Variants in CELA3A observed in about 807,000 individuals in gnomAD.
The protein encoded by CELA3A is chymotrypsin like elastase 3A, also known as chymotrypsin-like elastase family member 3A.
A neutral mutation model predicts 38.6 loss-of-function variants in CELA3A; 35 were observed. The observed-to-expected ratio is 0.91, with a 90% confidence interval of 0.69 to 1.20. The LOEUF is 1.20. Among genes scored for constraint, CELA3A ranks in the 50% most tolerant of loss-of-function variants. The pLI, the probability that CELA3A is intolerant of heterozygous loss-of-function variation, is 0.00. For synonymous variants in CELA3A, 143 were observed against 136.7 expected, an observed-to-expected ratio of 1.05 and a Z score of -0.32; for missense variants, 343 against 354.2, an observed-to-expected ratio of 0.97 and a Z score of 0.25.
intron 6 of CELA3A, among the ~76,000 whole-genome samples, 172 bp downstream of exon 6, chr1:22,007,687 AGTCAGGACCCCCGG>A (rs1644959706): frequency 6.6e-6 from 1 of 150,940 alleles, no homozygotes; most frequent in African/African-American, 2.5e-5. Context: ...CAGGCCTGGG[AGTCAGGACCCCCGG>A]GTTGCAGTCT....
intron 2 of CELA3A, among the ~76,000 whole-genome samples, chr1:22,003,681 C>CA (rs755292250): frequency 0.069 from 9,865 of 143,130 alleles, 629 homozygotes; most frequent in African/African-American, 0.13. Flanking sequence ...GACTCTGTCT[C>CA]AAAAAAAAAA....
chr1:22,005,608 G>C, intron 3 of CELA3A, 54 bp from the exon 4 acceptor site: 1 of 1,611,942 alleles, frequency 6.2e-7, no homozygotes. Context: ...GTGATGATGG[G>C]GAAGGAGGGA....
chr1:22,005,713 G>A lies in CELA3A; in HGVS notation c.279G>A (p.Lys93=). 1.2e-6 allele frequency: 2 copies of A among 1,612,454 alleles called. No homozygotes were observed. The highest frequency in any genetic ancestry group is 1.1e-5 in the South Asian group (1 of 91,026). Residue 93 remains lysine, a synonymous_variant, in exon 4 of 8, where the codon AAG becomes AAA. Transcript: ENST00000290122. ...TGGGTGAGTACAACCTTGCTGTGAA[G>A]GAGGGCCCCGAGCAGGTGATCCCCA... The part of the protein sequence containing the change: ...VVLGEYNLAV[K]EGPEQVIPIN...
intron 2 of CELA3A, among the ~76,000 whole-genome samples, chr1:22,003,436 G>A (rs552951328): frequency 4.6e-5 from 7 of 151,186 alleles, no homozygotes; most frequent in Admixed American, 4.6e-4. Context: ...TTTGAGGTCT[G>A]AAAGCAATAA....
rs371183311 is a variant in CELA3A at position 22,001,725 on chromosome 1, C to T, written c.43+8C>T. The T allele has an allele frequency of 4.1e-5, 66 of 1,612,006 alleles. 2 individuals carry two copies. The highest frequency in any genetic ancestry group is 5.4e-5 in the Non-Finnish European group (64 of 1,179,316). On this transcript the variant is annotated splice_region_variant and intron_variant, in intron 1 of 7. Coordinates refer to ENST00000290122, the MANE Select transcript of CELA3A (RefSeq NM_005747.5). The stretch of plus-strand genomic sequence containing the variant: ...TCCTCCTTGTGGCCGTTGGTAAGAC[C>T]CCAACCTGTCTGTGTGCTCCCTGGG...
chr1:22,004,632 T>C (rs1442016480), intron 2 of CELA3A, among the ~76,000 whole-genome samples: 4 of 151,996 alleles, frequency 2.6e-5, no homozygotes, highest in Non-Finnish European at 5.9e-5. Context: ...ACATCTTTAT[T>C]ACAAAAACAG....
intron 2 of CELA3A, among the ~76,000 whole-genome samples, chr1:22,004,828 G>A (rs56113846): frequency 0.074 from 11,210 of 150,566 alleles, 3 homozygotes; most frequent in Non-Finnish European, 0.11. Flanking sequence ...GGCTGGGCGC[G>A]GTGGCTCACG....
At chr1:22,007,049 A>T in intron 5 of CELA3A, 35 bp downstream of exon 5, 2 of 1,606,344 alleles carry the variant, frequency 1.2e-6, no homozygotes, top group Non-Finnish European at 8.5e-7. Context: ...CCACAGAGAC[A>T]GTGGCAGAAA....
intron 6 of CELA3A, among the ~76,000 whole-genome samples, chr1:22,008,246 G>A (rs1170965376): frequency 6.9e-6 from 1 of 144,174 alleles, no homozygotes; most frequent in Non-Finnish European, 1.5e-5. Context: ...GCCCTCCTGG[G>A]CTCAAGCAAC....
chr1:22,002,868 C>G, intron 1 of CELA3A, 135 bp from the exon 2 acceptor site: 1 of 752,074 alleles, frequency 1.3e-6, no homozygotes, highest in Non-Finnish European at 2.2e-6. Flanking sequence ...TATGTGGTTA[C>G]TGAGGTCCAG....
chr1:22,007,466 T>C lies in CELA3A; in HGVS notation c.593T>C (p.Val198Ala). 6.2e-7 allele frequency: 1 copy of C among 1,612,484 alleles called. No individual in the cohort carries two copies. Among genetic ancestry groups the C allele is most frequent in the Non-Finnish European group, 8.5e-7 (1 of 1,179,396 alleles). ...AGGTGGAACTGGTGGGGTTCCACCG[T>C]GAAGAAAACCATGGTGTGTGCTGGA... is the stretch of plus-strand genomic sequence containing the variant. ...CSRWNWWGST[V>A]KKTMVCAGGY... The change falls in exon 6 of 8, where the codon GTG becomes GCG. Residue 198 changes from valine to alanine, a missense_variant. Physicochemically the swap from Val to Ala is moderately conservative, Grantham distance 64. Coordinates refer to ENST00000290122, the MANE Select transcript of CELA3A (RefSeq NM_005747.5).
Position 22,003,073 on chromosome 1 carries a change from C to T in CELA3A, c.114C>T (p.Tyr38=), listed in dbSNP as rs1644927836. ...RVVHGEDAVP[Y]SWPWQVSLQY... ...TCCATGGTGAGGATGCGGTCCCCTA[C>T]AGCTGGCCCTGGCAGGTAAGAGCAA... Residue 38 remains tyrosine, a synonymous_variant, in exon 2 of 8, where the codon TAC becomes TAT. Transcript: ENST00000290122. 11 of 1,577,606 alleles carry T rather than the reference C, an allele frequency of 7.0e-6. No homozygotes were observed. Among genetic ancestry groups the T allele is most frequent in the South Asian group, 1.1e-5 (1 of 88,824 alleles).
Position 22,007,464 on chromosome 1 carries a change from C to A in CELA3A, c.591C>A (p.Thr197=), listed in dbSNP as rs200714940. 1.9e-6 allele frequency: 3 copies of A among 1,612,546 alleles called. No homozygotes were observed. Among genetic ancestry groups the A allele is most frequent in the Middle Eastern group, 1.7e-4 (1 of 6,056 alleles). Residue 197 remains threonine, a synonymous_variant, in exon 6 of 8, where the codon ACC becomes ACA. Transcript: ENST00000290122. The part of the protein sequence containing the change: ...HCSRWNWWGS[T]VKKTMVCAGG... Reference sequence around the variant, plus strand: ...CCAGGTGGAACTGGTGGGGTTCCACCGTGAAGAAAACCATGGTGTGTGCTG... The same window carrying A: ...CCAGGTGGAACTGGTGGGGTTCCACAGTGAAGAAAACCATGGTGTGTGCTG...
chr1:22,010,002 CT>C, intron 7 of CELA3A, 145 bp downstream of exon 7: 1 of 1,285,904 alleles, frequency 7.8e-7, no homozygotes, highest in Non-Finnish European at 1.1e-6. Flanking sequence ...TCCAGAAAGG[CT>C]TGGGGATGTT....
chr1:22,010,434 T>C (rs1216286796), intron 7 of CELA3A, among the ~76,000 whole-genome samples: 5 of 150,816 alleles, frequency 3.3e-5, no homozygotes, highest in Non-Finnish European at 7.4e-5. Flanking sequence ...CTGGCCAAGA[T>C]GGTGAAACCC....
At chr1:22,010,443 C>T (rs1644976609) in intron 7 of CELA3A, among the ~76,000 whole-genome samples, 1 of 150,718 alleles carries the variant, frequency 6.6e-6, no homozygotes, top group South Asian at 2.1e-4. Flanking sequence ...ATGGTGAAAC[C>T]CTGTCTCTAC....
intron 1 of CELA3A, among the ~76,000 whole-genome samples, chr1:22,002,213 A>G (rs1207851468): frequency 2.0e-5 from 3 of 151,222 alleles, no homozygotes; most frequent in Non-Finnish European, 4.4e-5. Flanking sequence ...GCCAGGCAGA[A>G]TGTTTAGGGA....
At chr1:22,007,641 A>G in intron 6 of CELA3A, 126 bp downstream of exon 6, 1 of 1,445,818 alleles carries the variant, frequency 6.9e-7, no homozygotes, top group Non-Finnish European at 9.2e-7. Flanking sequence ...GCCAGGCAGG[A>G]CTTGGAGGAA....
rs1474424828 is a variant in CELA3A at position 22,002,978 on chromosome 1, T to C, written c.44-25T>C. The C allele has an allele frequency of 8.3e-6, 13 of 1,574,400 alleles. No homozygotes were observed. In the African/African-American group the frequency reaches 1.7e-4, roughly 20 times the overall value. Reference sequence around the variant, plus strand: ...TTGCTTTTGGGGACCCTCCAGCTGATTGACAGCTCTCCTCTCCCCTCTAGC... The same window carrying C: ...TTGCTTTTGGGGACCCTCCAGCTGACTGACAGCTCTCCTCTCCCCTCTAGC... On this transcript the variant is annotated intron_variant, in intron 1 of 7. Transcript: ENST00000290122.
Sources: allele counts gnomAD v4.1 joint callset (sites outside exome capture counted in the v4.1 genomes callset), GRCh38; gene constraint gnomAD v4.1.1; transcripts MANE v1.5; gene names NCBI Gene and HGNC (gene_info 2026-07-23, HGNC 2026-07-21).